The following PLCH1 variants were observed in gnomAD, a reference collection of about 807,000 sequenced individuals.
PLCH1 encodes phospholipase C eta 1.
Under a neutral mutation model 126.7 loss-of-function variants are expected in PLCH1, and 60 were observed. The observed-to-expected ratio is 0.47, with a 90% CI of 0.38 to 0.59. The LOEUF (loss-of-function observed/expected upper bound fraction) is 0.59, where lower values mean the gene tolerates loss of function less well. Ranked by LOEUF, PLCH1 falls within the 20% of genes least tolerant of loss-of-function variation. The probability of loss-of-function intolerance (pLI) is 0.00; values close to 1 mark genes in which losing one functional copy is unlikely to be tolerated. For missense variants in PLCH1, 1,723 were observed against 2,040.0 expected (o/e 0.84, Z 2.99); for synonymous variants, 719 against 734.9 (o/e 0.98, Z 0.35).
intron 2 of PLCH1, among the ~76,000 whole-genome samples, chr3:155,612,361 T>C (rs1412836466): frequency 6.8e-6 from 1 of 146,462 alleles, no homozygotes; most frequent in African/African-American, 2.5e-5. Flanking sequence ...GGAAACTTCA[T>C]AGCATTAAAT....
At chr3:155,522,763 C>T (rs998277036) in intron 11 of PLCH1, among the ~76,000 whole-genome samples, 4 of 147,542 alleles carry the variant, frequency 2.7e-5, no homozygotes, top group Admixed American at 2.1e-4. Context: ...GTCTAGAGGA[C>T]TAACCTTTTC....
chr3:155,546,327 A>G (rs1187926415), intron 10 of PLCH1, among the ~76,000 whole-genome samples: 2 of 152,236 alleles, frequency 1.3e-5, no homozygotes, highest in Non-Finnish European at 2.9e-5. Context: ...AATCCAACTT[A>G]CAAGGGACAT....
chr3:155,650,993 A>T (rs1345266543), intron 2 of PLCH1, among the ~76,000 whole-genome samples: 2 of 152,056 alleles, frequency 1.3e-5, no homozygotes, highest in Non-Finnish European at 2.9e-5. Flanking sequence ...AGTCAAGATC[A>T]CATCATTGTA....
chr3:155,724,813 T>TTGTGTGTGTG (rs60805589), intron 1 of PLCH1, among the ~76,000 whole-genome samples: 4,618 of 140,078 alleles, frequency 0.033, 191 homozygotes, highest in African/African-American at 0.087. Flanking sequence ...TTGGGGGGTT[T>TTGTGTGTGTG]TGTGTGTGTG....
In PLCH1 at chr3:155,609,570, A is replaced by G. The variant is rs148129793; in HGVS notation, c.80-13192T>C. On this transcript the variant is annotated intron_variant, in intron 2 of 22. Coordinates refer to ENST00000460012, the MANE Select transcript of PLCH1 (RefSeq NM_014996.4). ...ATCTGTGAATTGCCAGAAAAAAAGA[A>G]TTCATAAGGTAGGTCTATTATTAAG... 5.1e-3 allele frequency among the ~76,000 whole-genome samples: 770 copies of G among 152,328 alleles called. 7 individuals carry two copies. Among genetic ancestry groups the G allele is most frequent in the African/African-American group, 0.018 (734 of 41,568 alleles).
intron 9 of PLCH1, among the ~76,000 whole-genome samples, chr3:155,552,139 C>T (rs1282111745): frequency 6.6e-6 from 1 of 152,036 alleles, no homozygotes; most frequent in East Asian, 1.9e-4. Flanking sequence ...AATGAGAAGA[C>T]CAAATATTGG....
At chr3:155,651,747 A>G (rs1387763030) in intron 2 of PLCH1, among the ~76,000 whole-genome samples, 1 of 152,222 alleles carries the variant, frequency 6.6e-6, no homozygotes, top group Non-Finnish European at 1.5e-5. Flanking sequence ...TCTCTCATGA[A>G]ACATTAATAT....
At chr3:155,563,884 T>C (rs916683413) in intron 8 of PLCH1, among the ~76,000 whole-genome samples, 1 of 152,142 alleles carries the variant, frequency 6.6e-6, no homozygotes, top group Non-Finnish European at 1.5e-5. Context: ...ACCACTTCTA[T>C]ACCATTGTAT....
At chr3:155,572,854 T>G (rs950788734) in intron 6 of PLCH1, among the ~76,000 whole-genome samples, 2 of 152,114 alleles carry the variant, frequency 1.3e-5, no homozygotes, top group African/African-American at 4.8e-5. Flanking sequence ...GCATCCCATG[T>G]AGTGGGGACT....
rs569878174 is a variant in PLCH1, at chr3:155,713,512, G to A, written c.-40-9248C>T. On this transcript the variant is annotated intron_variant, in intron 1 of 22. Transcript: ENST00000460012. The stretch of plus-strand genomic sequence containing the variant: ...TAAAAACTGTCTGAGAGGTGTGTGT[G>A]TTCTCCAAATTGCTAACAGCATTTG... Among the ~76,000 whole-genome samples, 24 of 152,318 alleles carry A rather than the reference G, an allele frequency of 1.6e-4. No individual in the cohort carries two copies. The South Asian group carries it at 4.8e-3, about 30-fold the overall frequency.
chr3:155,651,767 C>T (rs532587080), intron 2 of PLCH1, among the ~76,000 whole-genome samples: 17 of 152,218 alleles, frequency 1.1e-4, no homozygotes, highest in African/African-American at 3.9e-4. Flanking sequence ...TAGGGGATCC[C>T]TAATTCCTTC....
intron 2 of PLCH1, among the ~76,000 whole-genome samples, chr3:155,616,438 G>A (rs1031322402): frequency 4.6e-5 from 7 of 152,166 alleles, no homozygotes; most frequent in African/African-American, 1.7e-4. Flanking sequence ...CTGATGCAGG[G>A]CCAGAACCTG....
At chr3:155,529,855 C>T (rs982187861) in intron 10 of PLCH1, among the ~76,000 whole-genome samples, 1 of 152,092 alleles carries the variant, frequency 6.6e-6, no homozygotes, top group East Asian at 1.9e-4. Flanking sequence ...CAACCTCCGC[C>T]CCCCGGGTTC....
At chr3:155,594,976 A>G (rs961007127) in intron 3 of PLCH1, among the ~76,000 whole-genome samples, 1 of 152,268 alleles carries the variant, frequency 6.6e-6, no homozygotes, top group East Asian at 1.9e-4. Context: ...TGGCATTCCT[A>G]GAGAAAATGC....
chr3:155,549,967 A>C lies in PLCH1; in HGVS notation c.1191-9T>G, dbSNP rs761233919. ...ACAATATAACAGGAAACCTGAGAAA[A>C]GAGCAACACAGTCCAGAGGCGTCAG... On this transcript the variant is annotated splice_polypyrimidine_tract_variant and intron_variant, in intron 9 of 22. Coordinates refer to ENST00000460012, the MANE Select transcript of PLCH1 (RefSeq NM_014996.4). 6.2e-7 allele frequency: 1 copy of C among 1,612,276 alleles called. No homozygotes were observed. The highest frequency in any genetic ancestry group is 1.1e-5 in the South Asian group (1 of 90,772).
chr3:155,459,597 G>A (rs972283427), intron 21 of PLCH1, among the ~76,000 whole-genome samples: 2 of 152,136 alleles, frequency 1.3e-5, no homozygotes, highest in Admixed American at 1.3e-4. Context: ...GCTCAAGAAA[G>A]GGGGACTATT....
Position 155,514,709 on chromosome 3 carries a change from A to G in PLCH1, c.1632+14T>C. On this transcript the variant is annotated intron_variant, in intron 12 of 22. Transcript: ENST00000460012. ...TTTCCTGTTGAAGGATAAGTACAAGAGGGAATCAGATACCTGCTTCAGGTG... is the reference window on the plus strand; with the variant it reads ...TTTCCTGTTGAAGGATAAGTACAAGGGGGAATCAGATACCTGCTTCAGGTG... The G allele has an allele frequency of 6.7e-7, 1 of 1,502,632 alleles. No individual in the cohort carries two copies. The allele number at this position is 1,502,632 out of a possible 1,614,324, so 93.1% of individuals were successfully genotyped here. A position where few individuals can be genotyped will look rare whatever the true frequency, so the allele number is the denominator to read the frequency against.
chr3:155,710,968 G>A (rs1747083635), intron 1 of PLCH1, among the ~76,000 whole-genome samples: 1 of 127,592 alleles, frequency 7.8e-6, no homozygotes, highest in African/African-American at 3.1e-5. Context: ...GGGCACTGTG[G>A]TCTTTTTTTT....
chr3:155,471,402 T>C (rs926764451), intron 21 of PLCH1, among the ~76,000 whole-genome samples: 13 of 151,156 alleles, frequency 8.6e-5, no homozygotes, highest in South Asian at 2.1e-4. Flanking sequence ...ATGCGCCCAA[T>C]ACAGGAGCAC....
Sources: gnomAD v4.1 joint callset for allele counts (sites outside exome capture counted in the v4.1 genomes callset) on GRCh38, gnomAD v4.1.1 for gene constraint, MANE v1.5 for transcripts, NCBI Gene and HGNC (gene_info 2026-07-23, HGNC 2026-07-21) for gene names.